Variants in ZBTB20 observed in about 807,000 individuals in gnomAD.
ZBTB20 encodes zinc finger and BTB domain-containing protein 20.
ZBTB20 carries 9 observed loss-of-function variants against 56.9 expected under a neutral mutation model. The observed-to-expected ratio is 0.16, with a 90% confidence interval of 0.10 to 0.28. ZBTB20 has a LOEUF of 0.28. Ranked by LOEUF, ZBTB20 falls within the 10% of genes least tolerant of loss-of-function variation. ZBTB20 has a pLI of 1.00. For missense variants in ZBTB20, 655 were observed against 1,003.0 expected, an observed-to-expected ratio of 0.65 and a Z score of 4.69; for synonymous variants, 417 against 420.7, an observed-to-expected ratio of 0.99 and a Z score of 0.11.
intron 6 of ZBTB20, among the ~76,000 whole-genome samples, chr3:114,678,255 A>T (rs1295191443): frequency 6.6e-6 from 1 of 152,226 alleles, no homozygotes; most frequent in Non-Finnish European, 1.5e-5. Context: ...TATGCTCTCC[A>T]TTGGTGCCTT....
At chr3:114,651,925 G>T (rs867726442) in intron 6 of ZBTB20, among the ~76,000 whole-genome samples, 1 of 152,042 alleles carries the variant, frequency 6.6e-6, no homozygotes, top group Non-Finnish European at 1.5e-5. Context: ...TTTTAAAACA[G>T]CTTTGAAGGT....
At chr3:114,364,063 A>AT (rs1450775126) in intron 10 of ZBTB20, among the ~76,000 whole-genome samples, 1 of 35,994 alleles carries the variant, frequency 2.8e-5, no homozygotes, top group African/African-American at 4.3e-5. Flanking sequence ...CTTCACTGTA[A>AT]TATTTTTTTT....
intron 5 of ZBTB20, among the ~76,000 whole-genome samples, chr3:114,788,208 T>C (rs1413343608): frequency 1.3e-5 from 2 of 152,180 alleles, no homozygotes; most frequent in Non-Finnish European, 2.9e-5. Context: ...AAAATATATA[T>C]TAAAAATTGA....
chr3:114,461,296 T>TCC (rs55841623), intron 7 of ZBTB20, among the ~76,000 whole-genome samples: 8 of 128,814 alleles, frequency 6.2e-5, no homozygotes, highest in African/African-American at 8.5e-5. Flanking sequence ...AACAATCTCC[T>TCC]CCCCCCCCCC....
chr3:114,401,644 C>T (rs563411500), intron 7 of ZBTB20, among the ~76,000 whole-genome samples: 1 of 152,260 alleles, frequency 6.6e-6, no homozygotes, highest in Non-Finnish European at 1.5e-5. Context: ...GACTTTCCAT[C>T]TGAGGACTTA....
intron 5 of ZBTB20, among the ~76,000 whole-genome samples, chr3:114,699,359 T>C (rs540677422): frequency 7.6e-4 from 115 of 152,080 alleles, no homozygotes; most frequent in Admixed American, 1.0e-3. Flanking sequence ...GCAAGGCAGG[T>C]GGAGTTTTGA....
In ZBTB20 at chr3:115,135,132, A is replaced by G. The variant is rs146126584; in HGVS notation, c.-703+12087T>C. Among the ~76,000 whole-genome samples the G allele has an allele frequency of 7.2e-5, 11 of 152,316 alleles. No homozygotes were observed. The East Asian group carries it at 2.1e-3, about 29-fold the overall frequency. ...ATATTTACCCATGGACTCCAGCACC[A>G]TTCTCCAGTTGCTTGCCCAACAGAA... is the stretch of plus-strand genomic sequence containing the variant. On this transcript the variant is annotated intron_variant, in intron 1 of 11. Coordinates refer to ENST00000675478, the MANE Select transcript of ZBTB20 (RefSeq NM_001348800.3).
At chr3:114,426,875 TG>T (rs2089721006) in intron 7 of ZBTB20, among the ~76,000 whole-genome samples, 1 of 152,246 alleles carries the variant, frequency 6.6e-6, no homozygotes, top group African/African-American at 2.4e-5. Context: ...CAGCAAAATA[TG>T]GTATTTAATA....
chr3:114,444,131 G>A (rs1185209538), intron 7 of ZBTB20, among the ~76,000 whole-genome samples: 1 of 152,092 alleles, frequency 6.6e-6, no homozygotes, highest in Non-Finnish European at 1.5e-5. Context: ...AATCATCAAT[G>A]TCTCATTAGA....
intron 3 of ZBTB20, among the ~76,000 whole-genome samples, chr3:114,973,294 C>T (rs1255879146): frequency 2.6e-5 from 4 of 151,968 alleles, no homozygotes; most frequent in African/African-American, 9.7e-5. Context: ...TAGAAAATAT[C>T]GTAATTAAGC....
chr3:115,058,367 C>T (rs1345195690), intron 2 of ZBTB20, among the ~76,000 whole-genome samples: 1 of 152,156 alleles, frequency 6.6e-6, no homozygotes. Flanking sequence ...CCATTTCCTT[C>T]ATTTTTCTCC....
chr3:114,486,086 A>T (rs1481127770), intron 7 of ZBTB20, among the ~76,000 whole-genome samples: 4 of 143,588 alleles, frequency 2.8e-5, no homozygotes, highest in East Asian at 2.1e-4. Context: ...TCGATTAAAT[A>T]AAAAAAAATT....
intron 4 of ZBTB20, among the ~76,000 whole-genome samples, chr3:114,828,428 T>C (rs2073666374): frequency 6.6e-6 from 1 of 151,858 alleles, no homozygotes; most frequent in Non-Finnish European, 1.5e-5. Flanking sequence ...CTAATGATAA[T>C]CGCTTTTTAT....
At chr3:114,509,287 T>C (rs941483870) in intron 6 of ZBTB20, among the ~76,000 whole-genome samples, 1 of 152,100 alleles carries the variant, frequency 6.6e-6, no homozygotes, top group African/African-American at 2.4e-5. Flanking sequence ...GCTCTCAGTT[T>C]GCTAAAAATA....
chr3:114,619,279 T>C (rs1029261665), intron 6 of ZBTB20, among the ~76,000 whole-genome samples: 7 of 152,200 alleles, frequency 4.6e-5, no homozygotes, highest in Admixed American at 4.6e-4. Context: ...ATTATGTGAA[T>C]CACTTTTCTT....
intron 5 of ZBTB20, among the ~76,000 whole-genome samples, chr3:114,761,187 T>A (rs907013521): frequency 6.6e-6 from 1 of 152,200 alleles, no homozygotes. Flanking sequence ...TCATTAAATA[T>A]GTATGTATTG....
At chr3:114,646,940 G>GTTTTA (rs557474010) in intron 6 of ZBTB20, among the ~76,000 whole-genome samples, 182 of 152,080 alleles carry the variant, frequency 1.2e-3, no homozygotes, top group Non-Finnish European at 1.9e-3. Context: ...AATCAAGGCA[G>GTTTTA]TTTTATTTTA....
intron 2 of ZBTB20, among the ~76,000 whole-genome samples, chr3:115,053,642 T>C (rs1219189476): frequency 1.3e-5 from 2 of 152,138 alleles, no homozygotes; most frequent in Admixed American, 1.3e-4. Context: ...GATGAGATTC[T>C]ACTGTATTTC....
At chr3:115,009,999 T>A (rs1203719601) in intron 2 of ZBTB20, among the ~76,000 whole-genome samples, 1 of 151,996 alleles carries the variant, frequency 6.6e-6, no homozygotes, top group Non-Finnish European at 1.5e-5. Context: ...GCCGACTTAT[T>A]CGAAAAGGTA....
Sources: gnomAD v4.1 joint callset for allele counts (sites outside exome capture counted in the v4.1 genomes callset) on GRCh38, gnomAD v4.1.1 for gene constraint, MANE v1.5 for transcripts, NCBI Gene and HGNC (gene_info 2026-07-23, HGNC 2026-07-21) for gene names.